Variants in METTL9 observed in about 807,000 individuals in gnomAD.
METTL9 encodes the protein protein-L-histidine N-pros-methyltransferase.
METTL9 carries 10 observed loss-of-function variants against 36.0 expected under a neutral mutation model. The observed-to-expected ratio is 0.28, with a 90% confidence interval of 0.17 to 0.47. METTL9 has a LOEUF of 0.47. METTL9 is among the 20% of genes least tolerant of loss of function. The pLI is 0.99. For missense variants in METTL9, 246 were observed against 383.5 expected (o/e 0.64, Z 3.00); for synonymous variants, 175 against 149.7 (o/e 1.17, Z -1.23).
rs1390118658 is a variant in METTL9 at position 21,657,267 on chromosome 16, A to G, written c.*1835A>G. The G allele has an allele frequency of 1.3e-5, 2 of 152,214 alleles. No individual in the cohort carries two copies. The highest frequency in any genetic ancestry group is 4.8e-5 in the African/African-American group (2 of 41,456). 9.4% of individuals were successfully genotyped at this position (152,214 alleles called of 1,614,324 possible). ...TCAAAAAAATCTGAAGTTCTCTGAA[A>G]ACCAGCTTATTAAAAGTGCTGTTTT... On this transcript the variant is annotated 3_prime_UTR_variant, in exon 5 of 5. Transcript: ENST00000358154.
At chr16:21,629,549 G>T (rs145722911) in intron 4 of METTL9, among the ~76,000 whole-genome samples, 1 of 152,150 alleles carries the variant, frequency 6.6e-6, no homozygotes, top group Non-Finnish European at 1.5e-5. Flanking sequence ...TCATAAAGGC[G>T]GCCTGTCTGG....
intron 4 of METTL9, chr16:21,653,219 C>G (rs1966625114): frequency 6.6e-6 from 1 of 152,028 alleles, no homozygotes; most frequent in African/African-American, 2.4e-5. Flanking sequence ...TCCTGAGTAG[C>G]TGGGACTACA....
At chr16:21,610,600 C>G (rs745595703) in intron 1 of METTL9, among the ~76,000 whole-genome samples, 1 of 152,152 alleles carries the variant, frequency 6.6e-6, no homozygotes, top group Non-Finnish European at 1.5e-5. Flanking sequence ...AGGGTTCAAC[C>G]ACACGTGTTA....
chr16:21,621,939 T>C (rs1490373687), intron 3 of METTL9, among the ~76,000 whole-genome samples: 1 of 151,670 alleles, frequency 6.6e-6, no homozygotes, highest in Non-Finnish European at 1.5e-5. Flanking sequence ...CCATCTCGGC[T>C]TACTGTGCAG....
At position 21,609,460 on chromosome 16, in the gene METTL9, G is replaced by C. The variant is rs568741628; in HGVS notation, c.166-3185G>C. Among the ~76,000 whole-genome samples the C allele has an allele frequency of 1.4e-4, 22 of 152,272 alleles. No individual in the cohort carries two copies. The South Asian group carries it at 4.6e-3, about 32-fold the overall frequency. On this transcript the variant is annotated intron_variant, in intron 1 of 4. Transcript: ENST00000358154. ...TGTAAATATTACCAAAGGGACAAATGGGATGTATGAAAGGGTATTAGAACA... is the reference window on the plus strand; with the variant it reads ...TGTAAATATTACCAAAGGGACAAATCGGATGTATGAAAGGGTATTAGAACA...
chr16:21,628,211 G>A (rs369278519), intron 4 of METTL9, among the ~76,000 whole-genome samples: 25 of 152,122 alleles, frequency 1.6e-4, no homozygotes, highest in African/African-American at 4.6e-4. Context: ...TGGAGCTGGC[G>A]TGGACTGGTT....
At chr16:21,603,682 G>A (rs1340584535) in intron 1 of METTL9, among the ~76,000 whole-genome samples, 1 of 152,132 alleles carries the variant, frequency 6.6e-6, no homozygotes, top group Non-Finnish European at 1.5e-5. Flanking sequence ...TAGGCCCCAG[G>A]TTCTTGGTAA....
chr16:21,604,042 T>G (rs1317958945), intron 1 of METTL9, among the ~76,000 whole-genome samples: 8 of 152,106 alleles, frequency 5.3e-5, no homozygotes. Context: ...TTCCTGTCCC[T>G]TTACCCCTCA....
At position 21,617,918 on chromosome 16, in the gene METTL9, T is replaced by G; in HGVS notation, c.410T>G (p.Leu137Arg). The change falls in exon 3 of 5, where the codon CTG becomes CGG. Residue 137 changes from leucine (L) to arginine (R), a missense_variant. By Grantham distance (102) the Leu-to-Arg change is moderately radical (BLOSUM62 -2). This residue lies in a region of METTL9 where 146 missense variants were observed against 302.1 expected (regional missense o/e 0.48). Transcript: ENST00000358154. ...FVFSPDQFQR[L>R]LKINPDWKTH... Reference sequence around the variant, plus strand: ...TTTTCACCAGATCAGTTTCAGAGACTGCTTAAAATTAATCCAGACTGGAAA... The same window carrying G: ...TTTTCACCAGATCAGTTTCAGAGACGGCTTAAAATTAATCCAGACTGGAAA... 6.2e-7 allele frequency: 1 copy of G among 1,614,066 alleles called. No homozygotes were observed.
chr16:21,621,603 A>C (rs1965695519), intron 3 of METTL9, among the ~76,000 whole-genome samples: 1 of 151,988 alleles, frequency 6.6e-6, no homozygotes, highest in Non-Finnish European at 1.5e-5. Context: ...CTGGGATTAT[A>C]GGTGTGAGTC....
intron 1 of METTL9, among the ~76,000 whole-genome samples, chr16:21,603,891 T>A (rs1301530396): frequency 6.6e-6 from 1 of 152,190 alleles, no homozygotes; most frequent in Non-Finnish European, 1.5e-5. Context: ...TTTTTTCACT[T>A]TCTTATATAA....
In METTL9 at chr16:21,615,936, G is replaced by A. The variant is rs79951617; in HGVS notation, c.357-1929G>A. ...AAGCAGTTGTAGTCGGTAGCATCAC[G>A]TTTAGTGGTCTCTGAGGTCTTTCTC... On this transcript the variant is annotated intron_variant, in intron 2 of 4. Transcript: ENST00000358154. Among the ~76,000 whole-genome samples the A allele has an allele frequency of 1.3e-5, 2 of 152,096 alleles. 1 individual carries two copies. Among genetic ancestry groups the A allele is most frequent in the Admixed American group, 1.3e-4 (2 of 15,268 alleles).
At chr16:21,643,303 G>A in intron 4 of METTL9, 2 of 650,746 alleles carry the variant, frequency 3.1e-6, no homozygotes, top group Non-Finnish European at 5.4e-6. Context: ...TAACTCTTTT[G>A]TATTTGAGAA....
At chr16:21,654,099 T>C (rs1318300032) in intron 4 of METTL9, 2 of 145,364 alleles carry the variant, frequency 1.4e-5, no homozygotes, top group Admixed American at 1.5e-4. Context: ...TGGAGTGCAG[T>C]GGCACGATCT....
intron 4 of METTL9, chr16:21,644,367 T>C: frequency 6.2e-7 from 1 of 1,613,826 alleles, no homozygotes; most frequent in Non-Finnish European, 8.5e-7. Context: ...GTCAGGAAGC[T>C]CCGCAGTTCC....
At chr16:21,606,975 A>G (rs1406996144) in intron 1 of METTL9, among the ~76,000 whole-genome samples, 3 of 152,238 alleles carry the variant, frequency 2.0e-5, no homozygotes, top group African/African-American at 7.2e-5. Context: ...TGGTCTGATT[A>G]GCAAATCTAA....
chr16:21,607,887 G>T (rs949524157), intron 1 of METTL9, among the ~76,000 whole-genome samples: 1 of 152,056 alleles, frequency 6.6e-6, no homozygotes, highest in Non-Finnish European at 1.5e-5. Flanking sequence ...AGCGGCTCAC[G>T]CCTGTAATCC....
At chr16:21,599,500 G>A, upstream of METTL9, 1 of 1,217,914 alleles carries the variant, frequency 8.2e-7, no homozygotes, top group Non-Finnish European at 1.0e-6. The surrounding 1 kb of genome is among the most constrained non-coding windows in gnomAD (Gnocchi z 4.4). Context: ...GCTCCGGATG[G>A]AAACTGGTGC....
chr16:21,629,754 C>T (rs1009759204), intron 4 of METTL9, among the ~76,000 whole-genome samples: 1 of 152,170 alleles, frequency 6.6e-6, no homozygotes, highest in Non-Finnish European at 1.5e-5. Context: ...GTGCTGCTGG[C>T]TTGGGTGGCC....
Sources: gnomAD v4.1 joint callset for allele counts (sites outside exome capture counted in the v4.1 genomes callset) on GRCh38, gnomAD v4.1.1 for gene constraint, gnomAD v4.1.1 regional missense constraint, Gnocchi (gnomAD v3.1) non-coding constraint, MANE v1.5 for transcripts, NCBI Gene and HGNC (gene_info 2026-07-23, HGNC 2026-07-21) for gene names.